PRSS2: variants seen among roughly 807,000 people sequenced by gnomAD.
PRSS2 encodes serine protease 2, also known as trypsin-2.
In PRSS2, 19 loss-of-function variants were observed where a neutral mutation model predicts 19.2. The ratio of observed to expected loss-of-function variants is 0.99; its 90% CI spans 0.69 to 1.45. The LOEUF (loss-of-function observed/expected upper bound fraction) is 1.45. Among genes scored for constraint, PRSS2 ranks in the 40% most tolerant of loss-of-function variants. The probability of loss-of-function intolerance (pLI) is 0.00; values close to 1 mark genes in which losing one functional copy is unlikely to be tolerated. For synonymous variants in PRSS2, 107 were observed against 117.5 expected (o/e 0.91, Z 0.58); for missense variants, 288 against 294.4 (o/e 0.98, Z 0.16).
chr7:142,772,570 A>T lies in PRSS2; in HGVS notation c.200+362A>T. On this transcript the variant is annotated intron_variant, in intron 2 of 4. Transcript: ENST00000539842. ...CCTGTGTTCTATCCCAGGGCAATTAACTCAAAATTATCAGGAAGAGGGTGT... is the reference window on the plus strand; with the variant it reads ...CCTGTGTTCTATCCCAGGGCAATTATCTCAAAATTATCAGGAAGAGGGTGT... 4.8e-6 allele frequency: 3 copies of T among 631,170 alleles called. No homozygotes were observed. In the South Asian group the frequency reaches 5.0e-5, roughly 11 times the overall value. The allele number at this position is 631,170 out of a possible 1,614,324, so 39.1% of individuals were successfully genotyped here. A position where few individuals can be genotyped will look rare whatever the true frequency, so the allele number is the denominator to read the frequency against.
intron 4 of PRSS2, 75 bp from the exon 5 acceptor site, chr7:142,774,281 T>C: frequency 9.5e-7 from 1 of 1,052,580 alleles, no homozygotes; most frequent in Non-Finnish European, 1.5e-6. Context: ...AGGGCTCTTT[T>C]AAGGTTCAGA....
intron 2 of PRSS2, chr7:142,772,525 A>G: frequency 1.6e-6 from 1 of 636,800 alleles, no homozygotes; most frequent in Non-Finnish European, 2.8e-6. Flanking sequence ...CCTAAGAATG[A>G]GTACTTAAAA....
rs1554507323 is a variant in PRSS2 at position 142,774,418 on chromosome 7, T to C, written c.654T>C (p.Tyr218=). The C allele has an allele frequency of 1.3e-6, 2 of 1,590,972 alleles. No individual in the cohort carries two copies. Among genetic ancestry groups the C allele is most frequent in the East Asian group, 2.2e-5 (1 of 44,692 alleles). ...TCCAAGGAATTGTCTCCTGGGGCTA[T>C]GGCTGTGCCCAGAAGAACAGGCCTG... The part of the protein sequence containing the change: ...GELQGIVSWG[Y]GCAQKNRPGV... The change falls in exon 5 of 5, where the codon TAT becomes TAC. Residue 218 remains tyrosine, a synonymous_variant. Transcript: ENST00000539842.
chr7:142,773,363 A>T lies in PRSS2; in HGVS notation c.298A>T (p.Asn100Tyr), dbSNP rs1200528360. The change falls in exon 3 of 5, where the codon AAC (asparagine) becomes TAC (tyrosine). Residue 100 changes from asparagine (N) to tyrosine (Y), a missense_variant. Asn to Tyr is a moderately radical substitution (Grantham distance 143). Coordinates refer to ENST00000539842, the MANE Select transcript of PRSS2 (RefSeq NM_002770.4). ...CAAGATCATCCGCCACCCCAAATAC[A>T]ACAGCCGGACTCTGGACAATGACAT... Reference protein sequence around the residue: ...AAKIIRHPKYNSRTLDNDILL... With the variant: ...AAKIIRHPKYYSRTLDNDILL... The T allele has an allele frequency of 3.7e-6, 6 of 1,613,966 alleles. No homozygotes were observed. The Admixed American group carries it at 8.3e-5, about 22-fold the overall frequency.
In PRSS2 at chr7:142,774,371, C is replaced by T. The variant is rs1040333743; in HGVS notation, c.607C>T (p.Pro203Ser). ...KDSCQGDSGGPVVSNGELQGI... is the reference protein window; with the variant it reads ...KDSCQGDSGGSVVSNGELQGI... ...TTCCCCCCAGGGTGATTCTGGTGGC[C>T]CTGTGGTCTCCAATGGAGAGCTCCA... The change falls in exon 5 of 5, where the codon CCT becomes TCT. Residue 203 changes from proline to serine, a missense_variant. By Grantham distance (74) the Pro-to-Ser change is moderately conservative. Transcript: ENST00000539842. 5 of 1,385,246 alleles carry T rather than the reference C, an allele frequency of 3.6e-6. No individual in the cohort carries two copies. Among genetic ancestry groups the T allele is most frequent in the South Asian group, 2.3e-5 (2 of 85,976 alleles). 85.8% of individuals were successfully genotyped at this position (1,385,246 alleles called of 1,614,324 possible).
chr7:142,772,556 TC>T, intron 2 of PRSS2: 1 of 678,814 alleles, frequency 1.5e-6, no homozygotes, highest in South Asian at 1.6e-5. Flanking sequence ...CTGTGTTCTA[TC>T]CCAGGGCAAT....
At position 142,774,504 on chromosome 7, in the gene PRSS2, G is replaced by T. The variant is rs1554507395; in HGVS notation, c.740G>T (p.Ser247Ile). 9 of 1,610,290 alleles carry T rather than the reference G, an allele frequency of 5.6e-6. No homozygotes were observed. The Admixed American group carries it at 1.3e-4, about 24-fold the overall frequency. Residue 247 changes from serine to isoleucine, a missense_variant, in exon 5 of 5, where the codon AGC (serine) becomes ATC (isoleucine). By Grantham distance (142) the Ser-to-Ile change is moderately radical. Transcript: ENST00000539842. ...ATTAAGGACACCATAGCTGCCAACA[G>T]CTAAAGCCCCTGGTCCCTCTGCAGT... is the stretch of plus-strand genomic sequence containing the variant. ...DWIKDTIAAN[S>I]
At chr7:142,771,550 CT>C (rs1799894005) in intron 1 of PRSS2, among the ~76,000 whole-genome samples, 1 of 152,202 alleles carries the variant, frequency 6.6e-6, no homozygotes, top group African/African-American at 2.4e-5. Context: ...TACCTTTGTT[CT>C]GCAAAAGTGA....
intron 2 of PRSS2, chr7:142,772,473 A>G (rs1800014614): frequency 2.8e-6 from 2 of 708,402 alleles, no homozygotes; most frequent in Non-Finnish European, 2.6e-6. Context: ...TAGTGAGAAG[A>G]GCAGGCTAGT....
intron 1 of PRSS2, 47 bp from the exon 2 acceptor site, chr7:142,772,002 C>G: frequency 6.2e-7 from 1 of 1,613,724 alleles, no homozygotes; most frequent in Non-Finnish European, 8.5e-7. Flanking sequence ...GAGCGCCACC[C>G]CTAACATGCT....
In PRSS2 at chr7:142,774,352, C is replaced by T. The variant is rs2089342216; in HGVS notation, c.592-4C>T. On this transcript the variant is annotated splice_polypyrimidine_tract_variant and splice_region_variant and intron_variant, in intron 4 of 4. Transcript: ENST00000539842. ...TCATACAACTTGTCCCTTCTTCCCC[C>T]CAGGGTGATTCTGGTGGCCCTGTGG... The T allele has an allele frequency of 2.4e-6, 3 of 1,226,630 alleles. No individual in the cohort carries two copies. Among genetic ancestry groups the T allele is most frequent in the Admixed American group, 3.4e-5 (2 of 59,544 alleles). The allele number at this position is 1,226,630 out of a possible 1,614,324, so 76.0% of individuals were successfully genotyped here.
At chr7:142,774,205 T>C (rs1382060656) in intron 4 of PRSS2, 150 bp downstream of exon 4, 1 of 1,174,144 alleles carries the variant, frequency 8.5e-7, no homozygotes, top group Non-Finnish European at 1.3e-6. Context: ...CTGCATCCTG[T>C]CTGCTTAGGA....
chr7:142,772,254 G>A, intron 2 of PRSS2, 46 bp downstream of exon 2: 1 of 1,582,790 alleles, frequency 6.3e-7, no homozygotes, highest in Non-Finnish European at 8.6e-7. Flanking sequence ...CAGGCTGCCT[G>A]GGAGAGCTTG....
intron 2 of PRSS2, 22 bp downstream of exon 2, chr7:142,772,230 G>A (rs1554506068): frequency 8.1e-6 from 13 of 1,613,040 alleles, no homozygotes; most frequent in Non-Finnish European, 1.1e-5. Flanking sequence ...GCCCCTGACT[G>A]CAAAACTCCC....
intron 2 of PRSS2, chr7:142,772,500 T>G (rs1554506181): frequency 8.6e-6 from 6 of 697,846 alleles, no homozygotes; most frequent in Non-Finnish European, 1.6e-5. Context: ...GCTGGTTAGC[T>G]ACACATTAAA....
At chr7:142,771,361 G>A (rs1450100080) in intron 1 of PRSS2, among the ~76,000 whole-genome samples, 3 of 152,058 alleles carry the variant, frequency 2.0e-5, no homozygotes, top group Non-Finnish European at 4.4e-5. Flanking sequence ...TCTTAACCTC[G>A]AATGCACCTG....
chr7:142,771,027 G>A lies in PRSS2; in HGVS notation c.40+5G>A, dbSNP rs182804622. ...TTACCTTTGTTGCAGCTGCTGGTGA[G>A]TTTCACGCCCTGCCTCAGGCCTCAA... On this transcript the variant is annotated splice_donor_5th_base_variant and intron_variant, in intron 1 of 4. Transcript: ENST00000539842. The A allele has an allele frequency of 1.7e-6, 1 of 576,132 alleles. No homozygotes were observed. Among genetic ancestry groups the A allele is most frequent in the East Asian group, 2.9e-5 (1 of 34,390 alleles). 35.7% of individuals were successfully genotyped at this position (576,132 alleles called of 1,614,324 possible). A position where few individuals can be genotyped will look rare whatever the true frequency, so the allele number is the denominator to read the frequency against.
At chr7:142,772,710 C>T (rs1800044238) in intron 2 of PRSS2, 1 of 542,922 alleles carries the variant, frequency 1.8e-6, no homozygotes, top group East Asian at 2.8e-5. Context: ...TCAGAACTCC[C>T]TGCAGGCTTG....
Position 142,774,411 on chromosome 7 carries a change from G to T in PRSS2, c.647G>T (p.Trp216Leu). 1 of 1,579,890 alleles carries T rather than the reference G, an allele frequency of 6.3e-7. No homozygotes were observed. Among genetic ancestry groups the T allele is most frequent in the Non-Finnish European group, 8.7e-7 (1 of 1,149,224 alleles). The change falls in exon 5 of 5, where the codon TGG becomes TTG. Residue 216 changes from tryptophan to leucine, a missense_variant. Trp to Leu is a moderately conservative substitution (Grantham distance 61). Coordinates refer to ENST00000539842, the MANE Select transcript of PRSS2 (RefSeq NM_002770.4). ...SNGELQGIVS[W>L]GYGCAQKNRP... is the part of the protein sequence containing the mutation. ...GGAGAGCTCCAAGGAATTGTCTCCT[G>T]GGGCTATGGCTGTGCCCAGAAGAAC...
Sources: gnomAD v4.1 joint callset for allele counts (sites outside exome capture counted in the v4.1 genomes callset) on GRCh38, gnomAD v4.1.1 for gene constraint, MANE v1.5 for transcripts, NCBI Gene and HGNC (gene_info 2026-07-23, HGNC 2026-07-21) for gene names.